Variants in MFAP1 observed in about 807,000 individuals in gnomAD.
The protein encoded by MFAP1 is microfibrillar-associated protein 1.
In MFAP1, 18 loss-of-function variants were observed where a neutral mutation model predicts 62.2. The observed-to-expected ratio is 0.29, with a 90% CI of 0.20 to 0.43. The LOEUF is 0.43. MFAP1 is among the 20% of genes least tolerant of loss of function. MFAP1 has a pLI of 1.00. For synonymous variants in MFAP1, 175 were observed against 180.4 expected (o/e 0.97, Z 0.24); for missense variants, 355 against 559.7 (o/e 0.63, Z 3.69).
intron 3 of MFAP1, 50 bp from the exon 4 acceptor site, chr15:43,814,738 T>G (rs2087423764): frequency 6.3e-7 from 1 of 1,582,858 alleles, no homozygotes; most frequent in African/African-American, 1.4e-5. Flanking sequence ...TATGGCTTTT[T>G]GTTCGTCTCA....
intron 7 of MFAP1, among the ~76,000 whole-genome samples, chr15:43,808,957 G>C (rs571609453): frequency 6.6e-6 from 1 of 152,176 alleles, no homozygotes; most frequent in Non-Finnish European, 1.5e-5. Flanking sequence ...CTAATGGTTA[G>C]ATAATAAACC....
chr15:43,811,577 A>G (rs1172569276), intron 6 of MFAP1, among the ~76,000 whole-genome samples: 1 of 147,376 alleles, frequency 6.8e-6, no homozygotes, highest in Non-Finnish European at 1.5e-5. Flanking sequence ...GCACGATCTC[A>G]GCTCACCGCA....
rs186913991 is a variant in MFAP1, at chr15:43,816,971, T to C, written c.299+258A>G. 1.3e-4 allele frequency among the ~76,000 whole-genome samples: 20 copies of C among 152,322 alleles called. No individual in the cohort carries two copies. In the East Asian group the frequency reaches 3.7e-3, roughly 28 times the overall value. On this transcript the variant is annotated intron_variant, in intron 2 of 8. Coordinates refer to ENST00000267812, the MANE Select transcript of MFAP1 (RefSeq NM_005926.3). Reference sequence around the variant, plus strand: ...TCCCATAAGGAGTTGAGTAGGTCCTTTAGGCCAGAAGTAACCTGCTGTTTC... The same window carrying C: ...TCCCATAAGGAGTTGAGTAGGTCCTCTAGGCCAGAAGTAACCTGCTGTTTC...
intron 1 of MFAP1, among the ~76,000 whole-genome samples, chr15:43,820,533 C>T (rs2087461189): frequency 6.6e-6 from 1 of 152,106 alleles, no homozygotes; most frequent in African/African-American, 2.4e-5. Context: ...AGAAAAAATG[C>T]TAGATAAAAA....
At chr15:43,823,201 G>A (rs977703914) in intron 1 of MFAP1, among the ~76,000 whole-genome samples, 5 of 151,358 alleles carry the variant, frequency 3.3e-5, no homozygotes, top group Non-Finnish European at 7.4e-5. Context: ...GCCCAAGCTG[G>A]TCTTGAACTC....
intron 1 of MFAP1, among the ~76,000 whole-genome samples, chr15:43,820,090 G>A (rs946934735): frequency 6.6e-6 from 1 of 152,130 alleles, no homozygotes; most frequent in African/African-American, 2.4e-5. Flanking sequence ...AGAGCTTGCA[G>A]TGAGCGAGAT....
chr15:43,814,947 C>T lies in MFAP1; in HGVS notation c.427G>A (p.Glu143Lys). The change falls in exon 3 of 9, where the codon GAG becomes AAG. Residue 143 changes from glutamate (E) to lysine (K), a missense_variant and splice_region_variant. Transcript: ENST00000267812. ...CTTCCCATGTTCCTTTATCATACCT[C>T]ATCATCAATTTCCTCCTCCTCTTCT... ...SEEEEEEIDD[E>K]EIERRRGMMR... 1 of 1,614,034 alleles carries T rather than the reference C, an allele frequency of 6.2e-7. No homozygotes were observed. The highest frequency in any genetic ancestry group is 8.5e-7 in the Non-Finnish European group (1 of 1,180,010).
chr15:43,807,870 T>A (rs1054472554), intron 7 of MFAP1, among the ~76,000 whole-genome samples: 6 of 152,212 alleles, frequency 3.9e-5, no homozygotes, highest in Admixed American at 3.9e-4. Flanking sequence ...TTAGTAAGGC[T>A]GGATGCAGTT....
chr15:43,820,235 G>A (rs1478413617), intron 1 of MFAP1, among the ~76,000 whole-genome samples: 1 of 152,072 alleles, frequency 6.6e-6, no homozygotes, highest in Non-Finnish European at 1.5e-5. Flanking sequence ...GGAGAATGGT[G>A]TGAACCCAGG....
intron 4 of MFAP1, among the ~76,000 whole-genome samples, chr15:43,813,563 T>C (rs1194731958): frequency 7.1e-6 from 1 of 140,828 alleles, no homozygotes; most frequent in Non-Finnish European, 1.5e-5. Context: ...TAGGCTGCAG[T>C]GCAGTGGTGT....
chr15:43,809,106 G>C (rs1334862376), intron 7 of MFAP1, among the ~76,000 whole-genome samples: 1 of 152,158 alleles, frequency 6.6e-6, no homozygotes, highest in African/African-American at 2.4e-5. Flanking sequence ...ATTCAGCTAT[G>C]AAAGAATGAC....
intron 1 of MFAP1, among the ~76,000 whole-genome samples, chr15:43,821,233 T>C (rs2087465015): frequency 6.6e-6 from 1 of 152,204 alleles, no homozygotes; most frequent in African/African-American, 2.4e-5. Flanking sequence ...AAATATGTAA[T>C]TTTATTGAAA....
intron 4 of MFAP1, 150 bp from the exon 5 acceptor site, chr15:43,813,507 T>TA: frequency 9.4e-6 from 4 of 426,400 alleles, no homozygotes; most frequent in African/African-American, 2.5e-5. Context: ...TCATCCCAGG[T>TA]CTTTTTTTTT....
chr15:43,813,771 A>G (rs2087417847), intron 4 of MFAP1, among the ~76,000 whole-genome samples: 1 of 151,412 alleles, frequency 6.6e-6, no homozygotes, highest in African/African-American at 2.4e-5. Flanking sequence ...CAGCCTCCCA[A>G]AGTGCTGGGA....
intron 1 of MFAP1, among the ~76,000 whole-genome samples, chr15:43,821,856 G>A (rs2087468750): frequency 1.3e-5 from 2 of 151,728 alleles, no homozygotes; most frequent in African/African-American, 2.4e-5. Flanking sequence ...GTGCAGGGAA[G>A]GATTATTTCT....
chr15:43,812,307 T>A (rs2087406958), intron 6 of MFAP1, among the ~76,000 whole-genome samples: 2 of 152,198 alleles, frequency 1.3e-5, no homozygotes, highest in African/African-American at 4.8e-5. Context: ...GCTCCTCCTC[T>A]GCAGAGGTGG....
intron 1 of MFAP1, 126 bp downstream of exon 1, chr15:43,824,365 C>T: frequency 1.1e-6 from 1 of 907,590 alleles, no homozygotes. Flanking sequence ...GTGGAAAGAT[C>T]GAAGAATCTG....
At chr15:43,805,616 CTT>C (rs370997109) in intron 7 of MFAP1, 151 bp from the exon 8 acceptor site, 509 of 504,678 alleles carry the variant, frequency 1.0e-3, no homozygotes, top group South Asian at 1.3e-3. Context: ...AGATGACATT[CTT>C]TTTTTTTTTT....
intron 6 of MFAP1, 106 bp downstream of exon 6, chr15:43,812,881 G>T: frequency 7.7e-7 from 1 of 1,304,374 alleles, no homozygotes; most frequent in Non-Finnish European, 1.1e-6. Context: ...CAAGAACTCT[G>T]AAGGTGGCTA....
Sources: gnomAD v4.1 joint callset for allele counts (sites outside exome capture counted in the v4.1 genomes callset) on GRCh38, gnomAD v4.1.1 for gene constraint, MANE v1.5 for transcripts, NCBI Gene and HGNC (gene_info 2026-07-23, HGNC 2026-07-21) for gene names.